The following INSL6 variants were observed in gnomAD, a reference collection of about 807,000 sequenced individuals.
INSL6 encodes insulin like 6.
INSL6 carries 16 observed loss-of-function variants against 9.4 expected under a neutral mutation model. That is an observed-to-expected ratio of 1.70 (90% confidence interval 1.15 to 2.59). The LOEUF is 2.59. INSL6 is among the 30% of genes most tolerant of loss of function. The pLI, the probability that INSL6 is intolerant of heterozygous loss-of-function variation, is 0.00. For missense variants in INSL6, 391 were observed against 257.3 expected, an observed-to-expected ratio of 1.52 and a Z score of -3.56; for synonymous variants, 154 against 96.9, an observed-to-expected ratio of 1.59 and a Z score of -3.46.
At chr9:5,141,946 A>G (rs569055187) in intron 2 of INSL6, among the ~76,000 whole-genome samples, 1 of 151,946 alleles carries the variant, frequency 6.6e-6, no homozygotes, top group Admixed American at 6.6e-5. Flanking sequence ...CTAGCAAGTT[A>G]TCCCAGGAGG....
the INSL6 span, among the ~76,000 whole-genome samples, chr9:5,031,652 C>A: frequency 2.6e-5 from 4 of 152,092 alleles, no homozygotes; most frequent in African/African-American, 9.7e-5. Flanking sequence ...GAATTCAAGT[C>A]CTTGGGAAAA....
chr9:5,109,472 G>C, the INSL6 span: 30 of 152,152 alleles, frequency 2.0e-4, no homozygotes, highest in East Asian at 5.4e-3. Context: ...AAAAACATTG[G>C]TGCAACTCCA....
At chr9:5,110,379 A>G in the INSL6 span, 1 of 152,266 alleles carries the variant, frequency 6.6e-6, no homozygotes, top group African/African-American at 2.4e-5. Context: ...AGCATTCTCC[A>G]CCTCAAGTCA....
chr9:5,123,257 C>G (rs1483349048), downstream of INSL6: 1 of 552,262 alleles, frequency 1.8e-6, no homozygotes, highest in Non-Finnish European at 3.3e-6. Flanking sequence ...GTATCCACCA[C>G]CTTAATAACA....
At chr9:5,040,163 G>A in the INSL6 span, among the ~76,000 whole-genome samples, 93,989 of 152,058 alleles carry the variant, frequency 0.62, 31,205 homozygotes, top group African/African-American at 0.88. Context: ...CATTGATGGT[G>A]ATTGATTTTT....
At chr9:5,166,951 C>T (rs999189225) in intron 1 of INSL6, among the ~76,000 whole-genome samples, 10 of 152,086 alleles carry the variant, frequency 6.6e-5, no homozygotes, top group East Asian at 1.9e-4. Flanking sequence ...AGAAACGGTT[C>T]GGGGAAGCAG....
At chr9:5,049,724 C>T in the INSL6 span, among the ~76,000 whole-genome samples, 1 of 152,070 alleles carries the variant, frequency 6.6e-6, no homozygotes, top group Non-Finnish European at 1.5e-5. Context: ...AGAAATATGT[C>T]GTTAGGCAAT....
At chr9:5,046,632 C>T in the INSL6 span, among the ~76,000 whole-genome samples, 5 of 152,166 alleles carry the variant, frequency 3.3e-5, no homozygotes, top group Non-Finnish European at 7.4e-5. Flanking sequence ...GTTTTCCTAG[C>T]ACCATTTGTT....
intron 2 of INSL6, among the ~76,000 whole-genome samples, chr9:5,140,145 T>C (rs988753495): frequency 2.0e-5 from 3 of 152,192 alleles, no homozygotes; most frequent in African/African-American, 7.2e-5. Context: ...ATATTTAATC[T>C]ATTTAAGTCA....
At chr9:5,127,127 G>T in intron 3 of INSL6, 1 of 267,392 alleles carries the variant, frequency 3.7e-6, no homozygotes, top group Non-Finnish European at 7.2e-6. Context: ...TGTAAATTTT[G>T]CAATGTTAAA....
the INSL6 span, among the ~76,000 whole-genome samples, chr9:5,035,884 A>G: frequency 6.6e-6 from 1 of 152,252 alleles, no homozygotes; most frequent in African/African-American, 2.4e-5. Context: ...TGGCCAGGGC[A>G]GTCAGGCTGG....
At chr9:5,160,446 G>T (rs1481061199), downstream of INSL6, among the ~76,000 whole-genome samples, 1 of 152,092 alleles carries the variant, frequency 6.6e-6, no homozygotes, top group African/African-American at 2.4e-5. Context: ...TACAGGGAAA[G>T]CAGTACTGAG....
the INSL6 span, among the ~76,000 whole-genome samples, chr9:5,005,016 A>C: frequency 7.0e-6 from 1 of 143,852 alleles, no homozygotes; most frequent in Non-Finnish European, 1.5e-5. Context: ...TCCCAAGCGC[A>C]AGTGATCCTC....
the INSL6 span, among the ~76,000 whole-genome samples, chr9:5,012,258 A>C: frequency 6.6e-6 from 1 of 152,216 alleles, no homozygotes; most frequent in Non-Finnish European, 1.5e-5. Context: ...GGATGGAAGA[A>C]GAGTAAGTAT....
the INSL6 span, among the ~76,000 whole-genome samples, chr9:5,003,218 C>T: frequency 2.6e-5 from 4 of 151,856 alleles, no homozygotes; most frequent in African/African-American, 9.7e-5. Flanking sequence ...TTGTTTTTCA[C>T]AGACTTTAGG....
chr9:5,080,945 G>C, the INSL6 span, among the ~76,000 whole-genome samples: 1 of 139,844 alleles, frequency 7.2e-6, no homozygotes, highest in Non-Finnish European at 1.5e-5. Context: ...GCCCAGGCTG[G>C]AGTGCAGTGG....
the INSL6 span, among the ~76,000 whole-genome samples, chr9:5,086,979 G>A: frequency 1.3e-5 from 2 of 151,916 alleles, no homozygotes; most frequent in African/African-American, 4.8e-5. Flanking sequence ...TTCCTAGTAC[G>A]GGAACAATAC....
At chr9:5,091,054 T>TAGG in the INSL6 span, 1 of 619,768 alleles carries the variant, frequency 1.6e-6, no homozygotes, top group African/African-American at 1.9e-5. Flanking sequence ...ACTTTTTTTT[T>TAGG]TTAGGTCTTA....
chr9:5,156,550 A>G (rs1824817264), intron 2 of INSL6, among the ~76,000 whole-genome samples: 1 of 152,184 alleles, frequency 6.6e-6, no homozygotes, highest in Non-Finnish European at 1.5e-5. Context: ...ATTAAAAAAA[A>G]ATTCTCAGCA....
Sources: allele counts gnomAD v4.1 joint callset (sites outside exome capture counted in the v4.1 genomes callset), GRCh38; gene constraint gnomAD v4.1.1; transcripts MANE v1.5; gene names NCBI Gene and HGNC (gene_info 2026-07-23, HGNC 2026-07-21).